The following LTBP4 variants were observed in gnomAD, a reference collection of about 807,000 sequenced individuals.
LTBP4 encodes the protein latent-transforming growth factor beta-binding protein 4.
LTBP4 carries 93 observed loss-of-function variants against 180.2 expected under a neutral mutation model. That is an observed-to-expected ratio of 0.52 (90% CI 0.44 to 0.61). The LOEUF is 0.61. Among genes scored for constraint, LTBP4 ranks in the 20% least tolerant of loss-of-function variants. LTBP4 has a pLI of 0.00. For synonymous variants in LTBP4, 947 were observed against 934.5 expected (o/e 1.01, Z -0.24); for missense variants, 2,116 against 2,256.5 (o/e 0.94, Z 1.26).
In LTBP4 at chr19:40,605,401, C is replaced by G; in HGVS notation, c.443-4C>G. ...ATCCGTTTGCCCGGCCGTGCCTCCC[C>G]TAGGCGTGGCATCTATGGTGAGCGT... On this transcript the variant is annotated splice_region_variant and splice_polypyrimidine_tract_variant and intron_variant, in intron 2 of 29. Transcript: ENST00000396819. The surrounding 1 kb of genome is among the most constrained non-coding windows in gnomAD (Gnocchi z 5.5). The G allele has an allele frequency of 1.2e-6, 2 of 1,612,840 alleles. No individual in the cohort carries two copies. Among genetic ancestry groups the G allele is most frequent in the Admixed American group, 1.7e-5 (1 of 60,010 alleles).
In LTBP4 at chr19:40,607,360, C is replaced by G. The variant is rs1264982089; in HGVS notation, c.992-5C>G. 2 of 1,608,146 alleles carry G rather than the reference C, an allele frequency of 1.2e-6. No homozygotes were observed. The highest frequency in any genetic ancestry group is 8.5e-7 in the Non-Finnish European group (1 of 1,177,094). On this transcript the variant is annotated splice_region_variant and splice_polypyrimidine_tract_variant and intron_variant, in intron 6 of 29. Transcript: ENST00000396819. Reference sequence around the variant, plus strand: ...CCTGAAGGATTTCCTCCCTGCTCCTCGCAGCCCAACACGTGATCTCAGAGG... The same window carrying G: ...CCTGAAGGATTTCCTCCCTGCTCCTGGCAGCCCAACACGTGATCTCAGAGG...
At chr19:40,597,230 A>G, upstream of LTBP4, 1 of 1,487,510 alleles carries the variant, frequency 6.7e-7, no homozygotes, top group Non-Finnish European at 8.9e-7. Context: ...TCGGCGCCCG[A>G]CACGATGCCG....
chr19:40,623,054 A>G, intron 24 of LTBP4, 33 bp downstream of exon 24: 2 of 1,538,082 alleles, frequency 1.3e-6, no homozygotes, highest in East Asian at 4.6e-5. Flanking sequence ...CACCCCACTC[A>G]GCTCTGAGGC....
upstream of LTBP4, chr19:40,599,552 C>T: frequency 1.9e-6 from 3 of 1,608,162 alleles, no homozygotes; most frequent in Non-Finnish European, 2.5e-6. Flanking sequence ...CTGGCAGCCA[C>T]TGACGTGAGT....
In LTBP4 at chr19:40,627,270, G is replaced by T. The variant is rs569765339; in HGVS notation, c.4281G>T (p.Pro1427=). ...CTGAGGCTCCTGCGCCACCTGGCCC[G>T]GGCACCCGCTGGCCCTATCGGTCCC... ...GESEAPAPPG[P]GTRWPYRSRD... is the part of the protein sequence containing the mutation. The change falls in exon 28 of 30, where the codon CCG becomes CCT. Residue 1427 remains proline (P), a synonymous_variant. Transcript: ENST00000396819. The T allele has an allele frequency of 6.4e-7, 1 of 1,560,232 alleles. No individual in the cohort carries two copies. The highest frequency in any genetic ancestry group is 1.2e-5 in the South Asian group (1 of 85,766).
rs777482218 is a variant in LTBP4, at chr19:40,624,102, C to T, written c.3832+20C>T. The T allele has an allele frequency of 6.8e-5, 103 of 1,513,754 alleles. No homozygotes were observed. The highest frequency in any genetic ancestry group is 8.7e-5 in the Non-Finnish European group (98 of 1,128,562). The allele number at this position is 1,513,754 out of a possible 1,614,324, so 93.8% of individuals were successfully genotyped here. A position where few individuals can be genotyped will look rare whatever the true frequency, so the allele number is the denominator to read the frequency against. ...GCCTCGGTAACCCCGCCCACGCCAT[C>T]CAGGCCCTCCTTCCCTTGGCTCGGC... is the stretch of plus-strand genomic sequence containing the variant. On this transcript the variant is annotated intron_variant, in intron 26 of 29. Transcript: ENST00000396819.
rs764684954 is a variant in LTBP4 at position 40,601,512 on chromosome 19, G to A, written c.125G>A (p.Gly42Asp). The A allele has an allele frequency of 6.7e-7, 1 of 1,499,438 alleles. No individual in the cohort carries two copies. The highest frequency in any genetic ancestry group is 2.1e-5 in the Admixed American group (1 of 47,004). The allele number at this position is 1,499,438 out of a possible 1,614,324, so 92.9% of individuals were successfully genotyped here. A position where few individuals can be genotyped will look rare whatever the true frequency, so the allele number is the denominator to read the frequency against. Residue 42 changes from glycine to aspartate, a missense_variant, in exon 1 of 30, where the codon GGC (glycine) becomes GAC (aspartate). Physicochemically the swap from Gly to Asp is moderately conservative, Grantham distance 94. Transcript: ENST00000396819. Reference protein sequence around the residue: ...LRVRFTPVVCGLRCVHGPTGS... With the variant: ...LRVRFTPVVCDLRCVHGPTGS... ...GTGCGCTTCACCCCGGTCGTGTGCG[G>A]CCTGCGCTGCGTCCATGGGCCGACC...
upstream of LTBP4, chr19:40,597,139 C>T (rs990555185): frequency 1.1e-5 from 12 of 1,047,480 alleles, no homozygotes; most frequent in African/African-American, 3.6e-5. Context: ...GAGTCGGCCT[C>T]GGGCGGGGGC....
At chr19:40,599,785 C>T, upstream of LTBP4, 1 of 583,050 alleles carries the variant, frequency 1.7e-6, no homozygotes, top group Non-Finnish European at 3.0e-6. Context: ...TTCTAGTTAC[C>T]TGTCTCTTTT....
chr19:40,611,486 C>T lies in LTBP4; in HGVS notation c.2053+92C>T. On this transcript the variant is annotated intron_variant, in intron 13 of 29. Transcript: ENST00000396819. The surrounding 1 kb of genome is among the most constrained non-coding windows in gnomAD (Gnocchi z 4.4). ...GGGGCAGAGAGGCAGAGTGATGGGG[C>T]TCAGGGATGGAGAACAGGGGCTGAG... is the stretch of plus-strand genomic sequence containing the variant. 5 of 1,501,116 alleles carry T rather than the reference C, an allele frequency of 3.3e-6. No individual in the cohort carries two copies. Among genetic ancestry groups the T allele is most frequent in the Non-Finnish European group, 4.4e-6 (5 of 1,125,842 alleles). 93.0% of individuals were successfully genotyped at this position (1,501,116 alleles called of 1,614,324 possible). A position where few individuals can be genotyped will look rare whatever the true frequency, so the allele number is the denominator to read the frequency against.
Position 40,613,183 on chromosome 19 carries a change from C to T in LTBP4, c.2418C>T (p.Pro806=), listed in dbSNP as rs751798085. The T allele has an allele frequency of 1.2e-5, 19 of 1,569,492 alleles. No individual in the cohort carries two copies. The highest frequency in any genetic ancestry group is 1.2e-5 in the South Asian group (1 of 85,926). Residue 806 remains proline (P), a synonymous_variant, in exon 16 of 30, where the codon CCC becomes CCT. Transcript: ENST00000396819. The surrounding 1 kb of genome is among the most constrained non-coding windows in gnomAD (Gnocchi z 5.0). ...GCTACCGGGCGCCGTCGGGTCGGCCCGGGCCCTGCGCAGGTGAGCAGCATA... is the reference window on the plus strand; with the variant it reads ...GCTACCGGGCGCCGTCGGGTCGGCCTGGGCCCTGCGCAGGTGAGCAGCATA... ...APGYRAPSGR[P]GPCADVNECL...
upstream of LTBP4, chr19:40,599,468 C>T (rs2081408677): frequency 6.2e-7 from 1 of 1,613,806 alleles, no homozygotes; most frequent in Admixed American, 1.7e-5. Context: ...TGCAGGCCCC[C>T]AGCGGTGCCT....
At position 40,601,569 on chromosome 19, in the gene LTBP4, G is replaced by A; in HGVS notation, c.182G>A (p.Arg61His). ...GSRCTPTCAP[R>H]NATSVDSGAP... ...CGCTGTACCCCGACCTGCGCGCCCC[G>A]CAACGCCACCAGCGTGGACAGCGGC... The change falls in exon 1 of 30, where the codon CGC becomes CAC. Residue 61 changes from arginine to histidine, a missense_variant. By Grantham distance (29) the Arg-to-His change is conservative (BLOSUM62 0). Transcript: ENST00000396819. 1 of 1,471,212 alleles carries A rather than the reference G, an allele frequency of 6.8e-7. No homozygotes were observed. The highest frequency in any genetic ancestry group is 1.3e-5 in the South Asian group (1 of 76,974). 91.1% of individuals were successfully genotyped at this position (1,471,212 alleles called of 1,614,324 possible).
At chr19:40,600,767 A>G (rs995746380), upstream of LTBP4, among the ~76,000 whole-genome samples, 1 of 151,332 alleles carries the variant, frequency 6.6e-6, no homozygotes, top group African/African-American at 2.4e-5. This position sits in a 1 kb window ranked among gnomAD's most constrained non-coding sequence, Gnocchi z 4.4. Context: ...CCCTTTATCC[A>G]TTGTGACTTC....
chr19:40,597,385 G>A (rs1222808574), upstream of LTBP4: 2 of 1,508,332 alleles, frequency 1.3e-6, no homozygotes. Flanking sequence ...GGCCAGGTAA[G>A]CCCCCTGCTT....
chr19:40,622,375 TG>T lies in LTBP4; in HGVS notation c.3218-23del. On this transcript the variant is annotated intron_variant, in intron 22 of 29. Coordinates refer to ENST00000396819, the MANE Select transcript of LTBP4 (RefSeq NM_001042545.2). The surrounding 1 kb of genome is among the most constrained non-coding windows in gnomAD (Gnocchi z 5.1). ...GCGGGGCTGGGGATTCAGCCCACAC[TG>T]GGCTAAAGCTCCTTGTCTCCCCAGG... The T allele has an allele frequency of 6.8e-7, 1 of 1,474,336 alleles. No individual in the cohort carries two copies. Among genetic ancestry groups the T allele is most frequent in the Admixed American group, 2.2e-5 (1 of 44,522 alleles). 91.3% of individuals were successfully genotyped at this position (1,474,336 alleles called of 1,614,324 possible). A position where few individuals can be genotyped will look rare whatever the true frequency, so the allele number is the denominator to read the frequency against.
At chr19:40,610,147 T>A in intron 11 of LTBP4, 1 of 501,190 alleles carries the variant, frequency 2.0e-6, no homozygotes, top group East Asian at 3.3e-5. Context: ...CCGCCCTTAT[T>A]GGCCACGCCC....
At chr19:40,596,089 T>C (rs2081388786) in intron 1 of LTBP4, among the ~76,000 whole-genome samples, 2 of 151,462 alleles carry the variant, frequency 1.3e-5, no homozygotes, top group East Asian at 3.9e-4. Flanking sequence ...CCCAGCTAAT[T>C]TTTGTATTTT....
At position 40,613,924 on chromosome 19, in the gene LTBP4, G is replaced by C. The variant is rs1214936707; in HGVS notation, c.2566G>C (p.Glu856Gln). Residue 856 changes from glutamate (E) to glutamine (Q), a missense_variant, in exon 18 of 30, where the codon GAG becomes CAG. By Grantham distance (29) the Glu-to-Gln change is conservative. Around this residue, in one of 5 missense-constraint regions of LTBP4, gnomAD observed 877 missense variants for 873.6 expected, o/e 1.00. Transcript: ENST00000396819. This position sits in a 1 kb window ranked among gnomAD's most constrained non-coding sequence, Gnocchi z 5.0. ...GACGCCCTGTCCCGCAGACGTTGAC[G>C]AGTGCAGCGAGGAGGACCTTTGCCA... ...PRGASCLDVD[E>Q]CSEEDLCQSG... 6.2e-7 allele frequency: 1 copy of C among 1,613,652 alleles called. No individual in the cohort carries two copies. Among genetic ancestry groups the C allele is most frequent in the Non-Finnish European group, 8.5e-7 (1 of 1,179,798 alleles).
Sources: gnomAD v4.1 joint callset for allele counts (sites outside exome capture counted in the v4.1 genomes callset) on GRCh38, gnomAD v4.1.1 for gene constraint, gnomAD v4.1.1 regional missense constraint, Gnocchi (gnomAD v3.1) non-coding constraint, MANE v1.5 for transcripts, NCBI Gene and HGNC (gene_info 2026-07-23, HGNC 2026-07-21) for gene names.